The following PTPN21 variants were observed in gnomAD, a reference collection of about 807,000 sequenced individuals.
PTPN21 encodes the protein tyrosine-protein phosphatase non-receptor type 21.
PTPN21 carries 77 observed loss-of-function variants against 131.8 expected under a neutral mutation model. The ratio of observed to expected loss-of-function variants is 0.58; its 90% confidence interval spans 0.49 to 0.71. The LOEUF is 0.71. PTPN21 is among the 30% of genes least tolerant of loss of function. The pLI is 0.00. For missense variants in PTPN21, 1,552 were observed against 1,527.1 expected (o/e 1.02, Z -0.27); for synonymous variants, 715 against 621.3 (o/e 1.15, Z -2.24).
chr14:88,549,479 T>C (rs949688931), intron 2 of PTPN21, among the ~76,000 whole-genome samples: 2 of 152,184 alleles, frequency 1.3e-5, no homozygotes, highest in African/African-American at 4.8e-5. Context: ...AATCTATTCC[T>C]GCTTCATGAG....
intron 6 of PTPN21, 143 bp downstream of exon 6, chr14:88,504,282 C>T (rs944431817): frequency 3.0e-6 from 2 of 657,248 alleles, no homozygotes; most frequent in Admixed American, 2.5e-5. Context: ...ATGTTGGCTA[C>T]TTGTAATAGT....
chr14:88,536,925 G>A (rs1252134753), intron 2 of PTPN21, among the ~76,000 whole-genome samples: 2 of 152,128 alleles, frequency 1.3e-5, no homozygotes, highest in Non-Finnish European at 2.9e-5. Context: ...CAAGCCTGGA[G>A]CTTACCTTTA....
rs141404519 is a variant in PTPN21 at position 88,510,755 on chromosome 14, T to C, written c.351-2735A>G. 1.9e-3 allele frequency among the ~76,000 whole-genome samples: 295 copies of C among 152,238 alleles called. 2 individuals are homozygous for C. Among genetic ancestry groups the C allele is most frequent in the South Asian group, 0.013 (65 of 4,822 alleles). On this transcript the variant is annotated intron_variant, in intron 3 of 18. Transcript: ENST00000556564. ...ATAGCACCTACATCACAGGATTTGTTATGAGAATTAAATTAATAAAGTACT... is the reference window on the plus strand; with the variant it reads ...ATAGCACCTACATCACAGGATTTGTCATGAGAATTAAATTAATAAAGTACT...
At chr14:88,483,958 G>A (rs2077692083) in intron 12 of PTPN21, among the ~76,000 whole-genome samples, 1 of 151,928 alleles carries the variant, frequency 6.6e-6, no homozygotes, top group Admixed American at 6.6e-5. Context: ...AATATAGCAA[G>A]ACCCCATTCT....
At chr14:88,468,856 C>T (rs531245697) in intron 18 of PTPN21, 60 bp downstream of exon 18, 19 of 1,603,984 alleles carry the variant, frequency 1.2e-5, no homozygotes, top group Non-Finnish European at 1.6e-5. Context: ...GTCACTATGT[C>T]CCTCTCTTCC....
chr14:88,528,451 C>T (rs1163454688), intron 2 of PTPN21, among the ~76,000 whole-genome samples: 4 of 152,172 alleles, frequency 2.6e-5, no homozygotes, highest in African/African-American at 4.8e-5. Context: ...TTCTCAACTT[C>T]ATCACTGTTT....
chr14:88,525,180 G>T (rs1467340830), intron 2 of PTPN21, among the ~76,000 whole-genome samples: 3 of 151,774 alleles, frequency 2.0e-5, no homozygotes, highest in African/African-American at 7.3e-5. Context: ...GATCAAGGCT[G>T]CAGTGAGCCA....
chr14:88,510,417 G>A (rs184054115), intron 3 of PTPN21, among the ~76,000 whole-genome samples: 1 of 152,308 alleles, frequency 6.6e-6, no homozygotes, highest in East Asian at 1.9e-4. Flanking sequence ...TTTAAGTGAT[G>A]AAGAGCTGGA....
At position 88,472,330 on chromosome 14, in the gene PTPN21, C is replaced by G. The variant is rs1428343565; in HGVS notation, c.2785G>C (p.Asp929His). The change falls in exon 15 of 19, where the codon GAT (aspartate) becomes CAT (histidine). Residue 929 changes from aspartate (D) to histidine (H), a missense_variant. Physicochemically the swap from Asp to His is moderately conservative, Grantham distance 81. Coordinates refer to ENST00000556564, the MANE Select transcript of PTPN21 (RefSeq NM_007039.4). Reference sequence around the variant, plus strand: ...CTCACATCATCATAAGGAAGAACATCTTGGAATCGATTTCTTTCTGCATTT... The same window carrying G: ...CTCACATCATCATAAGGAAGAACATGTTGGAATCGATTTCTTTCTGCATTT... ...PENAERNRFQ[D>H]VLPYDDVRVE... The G allele has an allele frequency of 6.2e-7, 1 of 1,613,772 alleles. No homozygotes were observed. The highest frequency in any genetic ancestry group is 8.5e-7 in the Non-Finnish European group (1 of 1,179,820).
At chr14:88,550,653 CG>C (rs2078852482) in intron 1 of PTPN21, 34 bp from the exon 2 acceptor site, 1 of 448,096 alleles carries the variant, frequency 2.2e-6, no homozygotes, top group South Asian at 3.5e-5. Context: ...GTTAAGCAAA[CG>C]TAACGCTGGG....
intron 2 of PTPN21, 123 bp downstream of exon 2, chr14:88,550,115 T>C: frequency 1.0e-6 from 1 of 989,186 alleles, no homozygotes; most frequent in Non-Finnish European, 1.5e-6. Context: ...GGTTTCACCA[T>C]GTTGGCCAGG....
intron 8 of PTPN21, among the ~76,000 whole-genome samples, chr14:88,498,915 T>G (rs1161064189): frequency 6.9e-6 from 1 of 143,920 alleles, no homozygotes; most frequent in African/African-American, 2.5e-5. Context: ...ATTTATTTAT[T>G]TTAAATGTAT....
chr14:88,534,844 T>C (rs2078606431), intron 2 of PTPN21, among the ~76,000 whole-genome samples: 1 of 152,212 alleles, frequency 6.6e-6, no homozygotes, highest in Non-Finnish European at 1.5e-5. Context: ...GTCACTGCAC[T>C]CCAACCTGGG....
intron 1 of PTPN21, among the ~76,000 whole-genome samples, chr14:88,550,933 G>C (rs1372715549): frequency 6.6e-6 from 1 of 152,134 alleles, no homozygotes; most frequent in Non-Finnish European, 1.5e-5. Context: ...TTCCTATTTT[G>C]GATAAGGTGT....
intron 2 of PTPN21, among the ~76,000 whole-genome samples, chr14:88,534,466 T>C (rs1298382469): frequency 6.6e-6 from 1 of 152,130 alleles, no homozygotes; most frequent in South Asian, 2.1e-4. Flanking sequence ...GATATAGATA[T>C]TTTTGTATAG....
intron 13 of PTPN21, among the ~76,000 whole-genome samples, chr14:88,477,446 T>TCAAAAAA (rs369022409): frequency 0.19 from 14,114 of 76,002 alleles, 2,339 homozygotes; most frequent in South Asian, 0.27. Context: ...AAGACTGTTC[T>TCAAAAAA]AAAAAAAAAA....
intron 13 of PTPN21, among the ~76,000 whole-genome samples, chr14:88,477,245 T>TA (rs139477155): frequency 0.037 from 5,619 of 151,890 alleles, 352 homozygotes; most frequent in African/African-American, 0.13. Context: ...AAAATCAACT[T>TA]AAAATTCAAA....
chr14:88,517,693 T>A (rs930541011), intron 2 of PTPN21, among the ~76,000 whole-genome samples: 1 of 78,478 alleles, frequency 1.3e-5, no homozygotes, highest in Non-Finnish European at 3.0e-5. Flanking sequence ...TATACATATG[T>A]GTGCGTATGT....
intron 2 of PTPN21, chr14:88,547,380 G>A: frequency 6.0e-6 from 1 of 166,566 alleles, no homozygotes; most frequent in Non-Finnish European, 1.3e-5. Flanking sequence ...AGGCAAGGTG[G>A]CACACGCCTG....
Sources: allele counts gnomAD v4.1 joint callset (sites outside exome capture counted in the v4.1 genomes callset), GRCh38; gene constraint gnomAD v4.1.1; transcripts MANE v1.5; gene names NCBI Gene and HGNC (gene_info 2026-07-23, HGNC 2026-07-21).